The following ACSF3 variants were observed in gnomAD, a reference collection of about 807,000 sequenced individuals.
ACSF3 encodes the protein malonate--CoA ligase ACSF3, mitochondrial.
ACSF3 carries 78 observed loss-of-function variants against 53.2 expected under a neutral mutation model. That is an observed-to-expected ratio of 1.47 (90% CI 1.22 to 1.77). The LOEUF (loss-of-function observed/expected upper bound fraction) is 1.77. Among genes scored for constraint, ACSF3 ranks in the 40% most tolerant of loss-of-function variants. The pLI, the probability that ACSF3 is intolerant of heterozygous loss-of-function variation, is 0.00. For missense variants in ACSF3, 937 were observed against 771.1 expected (o/e 1.22, Z -2.55); for synonymous variants, 414 against 333.1 (o/e 1.24, Z -2.65).
intron 3 of ACSF3, among the ~76,000 whole-genome samples, chr16:89,101,946 G>A (rs1425159634): frequency 6.6e-6 from 1 of 152,234 alleles, no homozygotes; most frequent in African/African-American, 2.4e-5. Context: ...GGCCTGCGCC[G>A]TCACTCCTGG....
intron 4 of ACSF3, among the ~76,000 whole-genome samples, chr16:89,109,245 A>AG (rs1976392273): frequency 7.3e-6 from 1 of 136,752 alleles, no homozygotes; most frequent in Non-Finnish European, 1.6e-5. Context: ...AAAAAAAAAA[A>AG]AAAAAGAAAA....
intron 8 of ACSF3, among the ~76,000 whole-genome samples, chr16:89,139,844 C>T (rs1365361323): frequency 2.0e-5 from 3 of 152,218 alleles, no homozygotes; most frequent in Non-Finnish European, 4.4e-5. Flanking sequence ...CTCCCCACCT[C>T]AGCGTCCCAA....
Position 89,131,141 on chromosome 16 carries a change from T to C in ACSF3, c.1240-1995T>C, listed in dbSNP as rs563062046. ...TTTTTCTTTTTCTTTTTTTTTTTTT[T>C]TTTTTTTTTTGAGACAGGGTCTCAC... is the stretch of plus-strand genomic sequence containing the variant. On this transcript the variant is annotated intron_variant, in intron 7 of 10. Coordinates refer to ENST00000614302, the MANE Select transcript of ACSF3 (RefSeq NM_001243279.3). Among the ~76,000 whole-genome samples the C allele has an allele frequency of 2.9e-5, 4 of 136,720 alleles. No individual in the cohort carries two copies. In the East Asian group the frequency reaches 8.3e-4, roughly 28 times the overall value. 89.7% of individuals were successfully genotyped at this position (136,720 alleles called of 152,430 possible).
chr16:89,104,610 C>G (rs8057217), intron 4 of ACSF3, among the ~76,000 whole-genome samples: 107,612 of 152,182 alleles, frequency 0.71, 38,715 homozygotes, highest in Admixed American at 0.78. Context: ...CCCACCTTCC[C>G]TCTGCTTCTC....
At position 89,108,041 on chromosome 16, in the gene ACSF3, A is replaced by C. The variant is rs1361617566; in HGVS notation, c.823-4051A>C. On this transcript the variant is annotated intron_variant, in intron 4 of 10. Coordinates refer to ENST00000614302, the MANE Select transcript of ACSF3 (RefSeq NM_001243279.3). ...ATGGCGGTGGCAAGAGAAAATGAGG[A>C]AGAAGCAAAAGCGGAAACCCTTGAT... 3.3e-5 allele frequency among the ~76,000 whole-genome samples: 5 copies of C among 152,340 alleles called. No individual in the cohort carries two copies. In the East Asian group the frequency reaches 5.8e-4, roughly 18 times the overall value.
At position 89,103,262 on chromosome 16, in the gene ACSF3, C is replaced by T. The variant is rs183863465; in HGVS notation, c.822+503C>T. Among the ~76,000 whole-genome samples, 1,257 of 152,366 alleles carry T rather than the reference C, an allele frequency of 8.2e-3. 8 individuals carry two copies. The highest frequency in any genetic ancestry group is 0.013 in the Non-Finnish European group (896 of 68,042). ...CGAGCTCCTGCGGCTGCGGCGAATGCTCACGCGCTTGGTTTAAAATAATGC... is the reference window on the plus strand; with the variant it reads ...CGAGCTCCTGCGGCTGCGGCGAATGTTCACGCGCTTGGTTTAAAATAATGC... On this transcript the variant is annotated intron_variant, in intron 4 of 10. Transcript: ENST00000614302.
chr16:89,095,664 C>T (rs915613922), intron 1 of ACSF3, among the ~76,000 whole-genome samples: 5 of 152,202 alleles, frequency 3.3e-5, no homozygotes, highest in Admixed American at 6.5e-5. Flanking sequence ...ATGTTGAAAG[C>T]AGCCCTTCAT....
chr16:89,112,220 G>A lies in ACSF3; in HGVS notation c.951G>A (p.Leu317=). 1 of 1,614,192 alleles carries A rather than the reference G, an allele frequency of 6.2e-7. No homozygotes were observed. ...CCCAGCCGCACGCCCAGGATTTCTT[G>A]CGTGCAGTTTGTGAAGAAAAAATTA... The part of the protein sequence containing the change: ...HFTQPHAQDF[L]RAVCEEKIRL... Residue 317 remains leucine, a synonymous_variant, in exon 5 of 11, where the codon TTG becomes TTA. Coordinates refer to ENST00000614302, the MANE Select transcript of ACSF3 (RefSeq NM_001243279.3).
chr16:89,147,293 GTGAGGGA>G, intron 10 of ACSF3, among the ~76,000 whole-genome samples: 1 of 94,342 alleles, frequency 1.1e-5, no homozygotes, highest in Non-Finnish European at 2.1e-5. Context: ...CACAGTGTGA[GTGAGGGA>G]GGAGGGAGGG....
chr16:89,135,268 T>C (rs542651298), intron 8 of ACSF3, among the ~76,000 whole-genome samples: 24 of 152,376 alleles, frequency 1.6e-4, no homozygotes, highest in South Asian at 8.3e-4. Context: ...GCAGGCGGGA[T>C]GGGCTCCTTG....
At chr16:89,099,757 G>A (rs1022690110) in intron 2 of ACSF3, among the ~76,000 whole-genome samples, 1 of 151,984 alleles carries the variant, frequency 6.6e-6, no homozygotes, top group Non-Finnish European at 1.5e-5. Flanking sequence ...ACTCCAGCCT[G>A]GGTGACAGAC....
At chr16:89,133,642 C>T (rs1261425301) in intron 8 of ACSF3, among the ~76,000 whole-genome samples, 3 of 152,236 alleles carry the variant, frequency 2.0e-5, no homozygotes, top group Non-Finnish European at 4.4e-5. Flanking sequence ...CCTCCACCTC[C>T]GAGGTGTACC....
intron 10 of ACSF3, chr16:89,147,605 C>G (rs1365498280): frequency 6.7e-6 from 1 of 149,392 alleles, no homozygotes; most frequent in Non-Finnish European, 1.5e-5. Context: ...GCCACGCACT[C>G]TCAAACATGC....
chr16:89,143,155 C>G (rs1312550719), intron 8 of ACSF3, among the ~76,000 whole-genome samples: 3 of 152,148 alleles, frequency 2.0e-5, no homozygotes, highest in Admixed American at 6.5e-5. Context: ...CCAGTTTCTC[C>G]CAGCATCAGC....
intron 8 of ACSF3, 89 bp downstream of exon 8, chr16:89,133,351 G>C: frequency 6.4e-7 from 1 of 1,569,920 alleles, no homozygotes; most frequent in Non-Finnish European, 8.7e-7. Flanking sequence ...CCGAGGCTGG[G>C]AGTTCCCAGA....
intron 8 of ACSF3, among the ~76,000 whole-genome samples, chr16:89,136,986 C>T (rs1347516378): frequency 2.0e-5 from 3 of 152,232 alleles, no homozygotes; most frequent in African/African-American, 4.8e-5. Context: ...TCTGACTCCA[C>T]GTGCCCTCGC....
At chr16:89,123,568 C>T (rs1355591888) in intron 7 of ACSF3, among the ~76,000 whole-genome samples, 10 of 152,174 alleles carry the variant, frequency 6.6e-5, no homozygotes, top group Admixed American at 6.5e-4. Flanking sequence ...CAGCGTCCCT[C>T]CCCAGAAGGT....
At chr16:89,133,036 G>C in intron 7 of ACSF3, 100 bp from the exon 8 acceptor site, 2 of 1,553,126 alleles carry the variant, frequency 1.3e-6, no homozygotes, top group Non-Finnish European at 1.8e-6. Flanking sequence ...GCGGCCCTGG[G>C]TGGGCCCTGG....
chr16:89,146,466 C>T (rs916409276), intron 10 of ACSF3, among the ~76,000 whole-genome samples: 4 of 152,190 alleles, frequency 2.6e-5, no homozygotes, highest in Non-Finnish European at 5.9e-5. Context: ...GCCTGTCCAC[C>T]TGCCGCCCCA....
Sources: allele counts gnomAD v4.1 joint callset (sites outside exome capture counted in the v4.1 genomes callset), GRCh38; gene constraint gnomAD v4.1.1; transcripts MANE v1.5; gene names NCBI Gene and HGNC (gene_info 2026-07-23, HGNC 2026-07-21).